The following ROBO1 variants were observed in gnomAD, a reference collection of about 807,000 sequenced individuals.
ROBO1 encodes roundabout homolog 1.
ROBO1 carries 149 observed loss-of-function variants against 195.9 expected under a neutral mutation model. The ratio of observed to expected loss-of-function variants is 0.76; its 90% CI spans 0.67 to 0.87. The LOEUF is 0.87. Among genes scored for constraint, ROBO1 ranks in the 40% least tolerant of loss-of-function variants. The pLI, the probability that ROBO1 is intolerant of heterozygous loss-of-function variation, is 0.00. For synonymous variants in ROBO1, 816 were observed against 733.2 expected, an observed-to-expected ratio of 1.11 and a Z score of -1.82; for missense variants, 1,933 against 2,068.3, an observed-to-expected ratio of 0.93 and a Z score of 1.27.
At chr3:79,142,408 G>A (rs2080546826) in intron 2 of ROBO1, among the ~76,000 whole-genome samples, 1 of 152,126 alleles carries the variant, frequency 6.6e-6, no homozygotes, top group Non-Finnish European at 1.5e-5. Context: ...TGTGACTAAA[G>A]TTGTTGAGAT....
At chr3:78,893,871 T>C (rs1270942849) in intron 4 of ROBO1, among the ~76,000 whole-genome samples, 7 of 152,164 alleles carry the variant, frequency 4.6e-5, no homozygotes, top group African/African-American at 1.7e-4. Flanking sequence ...CATGAATTAG[T>C]ATAGGAAAGA....
At chr3:79,477,277 G>A (rs2107355286) in intron 2 of ROBO1, among the ~76,000 whole-genome samples, 1 of 152,246 alleles carries the variant, frequency 6.6e-6, no homozygotes, top group African/African-American at 2.4e-5. Context: ...TTGAGGATCT[G>A]TGGATTCCAG....
At chr3:79,145,228 A>G (rs763381320) in intron 2 of ROBO1, among the ~76,000 whole-genome samples, 30 of 151,886 alleles carry the variant, frequency 2.0e-4, no homozygotes, top group Admixed American at 3.9e-4. Context: ...TACTATAAAC[A>G]CCATAAAACT....
intron 2 of ROBO1, among the ~76,000 whole-genome samples, chr3:79,568,189 C>T (rs1006875078): frequency 6.6e-6 from 1 of 151,992 alleles, no homozygotes; most frequent in African/African-American, 2.4e-5. Flanking sequence ...ACAACAACAA[C>T]AAAAATCTTT....
intron 2 of ROBO1, among the ~76,000 whole-genome samples, chr3:79,568,326 G>C (rs2107736018): frequency 6.6e-6 from 1 of 152,138 alleles, no homozygotes; most frequent in East Asian, 1.9e-4. Context: ...AAATTGATTT[G>C]AATGTCTTAA....
At chr3:79,109,644 T>A (rs986147087) in intron 3 of ROBO1, among the ~76,000 whole-genome samples, 14 of 152,210 alleles carry the variant, frequency 9.2e-5, no homozygotes, top group Middle Eastern at 3.4e-3. Flanking sequence ...GCGTTACACT[T>A]AAGAAATTGA....
chr3:78,883,782 C>T (rs2036330221), intron 4 of ROBO1, among the ~76,000 whole-genome samples: 1 of 152,026 alleles, frequency 6.6e-6, no homozygotes. Flanking sequence ...CATCTAAAGA[C>T]CTACTTTCTC....
At chr3:79,332,316 A>G (rs1395437882) in intron 2 of ROBO1, among the ~76,000 whole-genome samples, 5 of 152,204 alleles carry the variant, frequency 3.3e-5, no homozygotes, top group Admixed American at 3.3e-4. Flanking sequence ...GTGCATTTAT[A>G]ACATTTGTGT....
chr3:79,487,753 C>A (rs902582573), intron 2 of ROBO1, among the ~76,000 whole-genome samples: 2 of 152,068 alleles, frequency 1.3e-5, no homozygotes, highest in African/African-American at 2.4e-5. Context: ...TGGGAACATA[C>A]CATTACTCCA....
At chr3:79,165,243 G>C (rs1050764723) in intron 2 of ROBO1, among the ~76,000 whole-genome samples, 2 of 152,168 alleles carry the variant, frequency 1.3e-5, no homozygotes, top group African/African-American at 2.4e-5. Flanking sequence ...AGCATGTTTT[G>C]ATCAGAAGAC....
chr3:79,395,756 T>A (rs1316308293), intron 2 of ROBO1, among the ~76,000 whole-genome samples: 2 of 152,096 alleles, frequency 1.3e-5, no homozygotes, highest in Non-Finnish European at 2.9e-5. Flanking sequence ...TTTTAAAAAC[T>A]TTCATAAAGA....
chr3:78,938,596 C>G lies in ROBO1; in HGVS notation c.499+5G>C, dbSNP rs752801673. The G allele has an allele frequency of 6.2e-7, 1 of 1,601,290 alleles. No homozygotes were observed. The highest frequency in any genetic ancestry group is 8.5e-7 in the Non-Finnish European group (1 of 1,171,108). On this transcript the variant is annotated splice_donor_5th_base_variant and intron_variant, in intron 4 of 30. Coordinates refer to ENST00000464233, the MANE Select transcript of ROBO1 (RefSeq NM_002941.4). ...TGCCAAACACAGAGCGCCCAGTTTA[C>G]TTACTGGCTACTTCCAGCGATGCAT...
chr3:79,543,179 A>C (rs1166962052), intron 2 of ROBO1, among the ~76,000 whole-genome samples: 1 of 152,102 alleles, frequency 6.6e-6, no homozygotes, highest in Non-Finnish European at 1.5e-5. Context: ...GAACTACAGA[A>C]CACGCTTGGA....
chr3:78,675,119 A>G (rs1215471170), intron 10 of ROBO1, among the ~76,000 whole-genome samples: 2 of 152,048 alleles, frequency 1.3e-5, no homozygotes, highest in East Asian at 3.9e-4. Context: ...ACTTAACCAA[A>G]AGCTAGTTCT....
intron 2 of ROBO1, among the ~76,000 whole-genome samples, chr3:79,257,428 G>A (rs534799899): frequency 5.3e-5 from 8 of 152,148 alleles, no homozygotes; most frequent in Admixed American, 1.3e-4. Context: ...TGAAATAATC[G>A]TATAAACTGG....
At chr3:78,789,018 G>T (rs2083936661) in intron 4 of ROBO1, among the ~76,000 whole-genome samples, 1 of 152,048 alleles carries the variant, frequency 6.6e-6, no homozygotes, top group Non-Finnish European at 1.5e-5. Context: ...TCTCACATAG[G>T]CTGGGCCAAA....
intron 1 of ROBO1, among the ~76,000 whole-genome samples, chr3:79,659,745 G>A (rs1474291854): frequency 6.6e-6 from 1 of 151,998 alleles, no homozygotes; most frequent in African/African-American, 2.4e-5. Context: ...CCACCATGTC[G>A]ACAGTGAGTT....
At chr3:79,616,134 C>G (rs1294412019) in intron 1 of ROBO1, among the ~76,000 whole-genome samples, 1 of 152,164 alleles carries the variant, frequency 6.6e-6, no homozygotes, top group Non-Finnish European at 1.5e-5. Context: ...TTGGGAACTT[C>G]TGAAGAGCAG....
chr3:79,060,980 C>T (rs556074590), intron 3 of ROBO1, among the ~76,000 whole-genome samples: 335 of 152,148 alleles, frequency 2.2e-3, no homozygotes, highest in African/African-American at 7.7e-3. Flanking sequence ...ATTCAACATA[C>T]TGTTGAAAGT....
Sources: allele counts gnomAD v4.1 joint callset (sites outside exome capture counted in the v4.1 genomes callset), GRCh38; gene constraint gnomAD v4.1.1; transcripts MANE v1.5; gene names NCBI Gene and HGNC (gene_info 2026-07-23, HGNC 2026-07-21).